PLXND1: variants seen among roughly 807,000 people sequenced by gnomAD.
PLXND1 encodes plexin D1, also known as plexin-D1.
A neutral mutation model predicts 197.7 loss-of-function variants in PLXND1; 54 were observed. The ratio of observed to expected loss-of-function variants is 0.27; its 90% CI spans 0.22 to 0.34. The LOEUF is 0.34. Among genes scored for constraint, PLXND1 ranks in the 10% least tolerant of loss-of-function variants. The probability of loss-of-function intolerance (pLI) is 1.00; values close to 1 mark genes in which losing one functional copy is unlikely to be tolerated. For missense variants in PLXND1, 2,127 were observed against 2,699.2 expected (o/e 0.79, Z 4.70); for synonymous variants, 1,180 against 1,161.2 (o/e 1.02, Z -0.33).
In PLXND1 at chr3:129,583,601, T is replaced by C. The variant is rs201928288; in HGVS notation, c.2207A>G (p.Asn736Ser). 1.8e-5 allele frequency: 29 copies of C among 1,612,346 alleles called. No homozygotes were observed. Among genetic ancestry groups the C allele is most frequent in the South Asian group, 1.1e-5 (1 of 90,940 alleles). The change falls in exon 8 of 36, where the codon AAC becomes AGC. Residue 736 changes from asparagine (N) to serine (S), a missense_variant. Asn to Ser is a conservative substitution (Grantham distance 46). Coordinates refer to ENST00000324093, the MANE Select transcript of PLXND1 (RefSeq NM_015103.3). ...TGGTGAGGCCTCGCACCGAGACTGGTTGGAAACACAGGAGTGCTGCTGGCT... is the reference window on the plus strand; with the variant it reads ...TGGTGAGGCCTCGCACCGAGACTGGCTGGAAACACAGGAGTGCTGCTGGCT... ...WCSQQHSCVS[N>S]QSRCEASPNP...
chr3:129,606,532 C>A lies in PLXND1; in HGVS notation c.108G>T (p.Leu36=). 7.4e-7 allele frequency: 1 copy of A among 1,347,100 alleles called. No individual in the cohort carries two copies. The highest frequency in any genetic ancestry group is 9.5e-7 in the Non-Finnish European group (1 of 1,051,994). 83.4% of individuals were successfully genotyped at this position (1,347,100 alleles called of 1,614,324 possible). A position where few individuals can be genotyped will look rare whatever the true frequency, so the allele number is the denominator to read the frequency against. The part of the protein sequence containing the change: ...PPRCPVPLLL[L]LLLGAARAGA... The stretch of plus-strand genomic sequence containing the variant: ...CGGCCCGCGCCGCCCCCAGGAGCAG[C>A]AGCAACAGCAGCGGCACCGGGCACC... The change falls in exon 1 of 36, where the codon CTG becomes CTT. Residue 36 remains leucine, a synonymous_variant. Coordinates refer to ENST00000324093, the MANE Select transcript of PLXND1 (RefSeq NM_015103.3).
intron 1 of PLXND1, 68 bp downstream of exon 1, chr3:129,605,261 T>TGA: frequency 1.0e-5 from 5 of 493,832 alleles, no homozygotes; most frequent in Non-Finnish European, 1.2e-5. Context: ...CCCGCTCGGT[T>TGA]CCCGCCCGCC....
chr3:129,592,724 T>A (rs73204266), intron 1 of PLXND1, among the ~76,000 whole-genome samples: 33 of 152,330 alleles, frequency 2.2e-4, no homozygotes, highest in Admixed American at 4.6e-4. Context: ...AAATAAAATT[T>A]TAAAAAATTT....
chr3:129,585,929 G>T, intron 5 of PLXND1, 23 bp downstream of exon 5: 1 of 1,613,722 alleles, frequency 6.2e-7, no homozygotes, highest in Middle Eastern at 1.7e-4. Flanking sequence ...CCCGAGCTGG[G>T]TCTTGCCTCC....
intron 2 of PLXND1, among the ~76,000 whole-genome samples, chr3:129,587,471 G>A (rs2085478713): frequency 6.6e-6 from 1 of 152,178 alleles, no homozygotes; most frequent in South Asian, 2.1e-4. Context: ...GACAATACCG[G>A]TCAGAGCCCC....
chr3:129,570,657 C>CT, intron 19 of PLXND1, 129 bp downstream of exon 19: 2 of 893,452 alleles, frequency 2.2e-6, no homozygotes, highest in Non-Finnish European at 3.5e-6. Flanking sequence ...TAAAGCTCTG[C>CT]TTTGCTGGAC....
chr3:129,597,555 A>G (rs893802816), intron 1 of PLXND1, among the ~76,000 whole-genome samples: 3 of 151,868 alleles, frequency 2.0e-5, no homozygotes, highest in Non-Finnish European at 4.4e-5. Flanking sequence ...CCTTGCCGGG[A>G]CTCGTAATGG....
At chr3:129,575,101 AAC>A (rs1477085218) in intron 11 of PLXND1, among the ~76,000 whole-genome samples, 1 of 152,158 alleles carries the variant, frequency 6.6e-6, no homozygotes, top group Non-Finnish European at 1.5e-5. Flanking sequence ...GAGTGGACCC[AAC>A]ACAGACAGTC....
In PLXND1 at chr3:129,562,950, G is replaced by T. The variant is rs760874402; in HGVS notation, c.4669-7C>A. 6.2e-7 allele frequency: 1 copy of T among 1,602,758 alleles called. No homozygotes were observed. The highest frequency in any genetic ancestry group is 8.5e-7 in the Non-Finnish European group (1 of 1,170,450). ...GGAAGGACACGTTCAGGTTCTGCAG[G>T]GGGAGAGTGGGAGAGAAAGGTCAGT... On this transcript the variant is annotated splice_region_variant and splice_polypyrimidine_tract_variant and intron_variant, in intron 26 of 35. Transcript: ENST00000324093.
intron 1 of PLXND1, among the ~76,000 whole-genome samples, chr3:129,601,248 T>A (rs970538605): frequency 6.6e-6 from 1 of 152,116 alleles, no homozygotes; most frequent in Non-Finnish European, 1.5e-5. Flanking sequence ...CAGGGACAAA[T>A]TTGGGGACTT....
intron 19 of PLXND1, 100 bp from the exon 20 acceptor site, chr3:129,570,057 T>C: frequency 1.4e-6 from 1 of 714,402 alleles, no homozygotes; most frequent in Non-Finnish European, 2.6e-6. Context: ...ACCTAACCTC[T>C]CTGAGCCTCA....
chr3:129,562,720 C>A, intron 27 of PLXND1, 67 bp downstream of exon 27: 1 of 1,457,710 alleles, frequency 6.9e-7, no homozygotes, highest in Non-Finnish European at 9.3e-7. Flanking sequence ...GAGTGTTTCC[C>A]GTCAAGGCAG....
intron 25 of PLXND1, among the ~76,000 whole-genome samples, chr3:129,564,078 G>A (rs2085101606): frequency 6.6e-6 from 1 of 152,200 alleles, no homozygotes; most frequent in Non-Finnish European, 1.5e-5. Context: ...GAGGTCCAGG[G>A]TCCACAGTGG....
chr3:129,592,387 T>C (rs2085556856), intron 1 of PLXND1, among the ~76,000 whole-genome samples: 1 of 152,212 alleles, frequency 6.6e-6, no homozygotes, highest in Non-Finnish European at 1.5e-5. Context: ...CATTTAAAAA[T>C]AAGTTGTTTA....
rs1272920707 is a variant in PLXND1, at chr3:129,557,675, T to A, written c.5446-452A>T. ...AAGAAGTGCCAAGAACACTCCCAGTTCTTTGTCAGTCACGGGCACCCTGCC... is the reference window on the plus strand; with the variant it reads ...AAGAAGTGCCAAGAACACTCCCAGTACTTTGTCAGTCACGGGCACCCTGCC... On this transcript the variant is annotated intron_variant, in intron 33 of 35. Coordinates refer to ENST00000324093, the MANE Select transcript of PLXND1 (RefSeq NM_015103.3). The surrounding 1 kb of genome is among the most constrained non-coding windows in gnomAD (Gnocchi z 4.8). Among the ~76,000 whole-genome samples the A allele has an allele frequency of 1.3e-5, 2 of 152,130 alleles. No individual in the cohort carries two copies. Among genetic ancestry groups the A allele is most frequent in the Non-Finnish European group, 2.9e-5 (2 of 68,014 alleles).
At chr3:129,572,583 G>T (rs752266899) in intron 15 of PLXND1, 26 bp downstream of exon 15, 7 of 1,481,072 alleles carry the variant, frequency 4.7e-6, no homozygotes, top group East Asian at 4.8e-5. Flanking sequence ...TGGGCTGGAA[G>T]GGATGGGCCA....
intron 2 of PLXND1, 41 bp downstream of exon 2, chr3:129,589,310 T>TGGCCCCCCCCCCCCC: frequency 1.5e-4 from 75 of 501,222 alleles, no homozygotes; most frequent in East Asian, 4.6e-4. Flanking sequence ...CAGGGGAGCC[T>TGGCCCCCCCCCCCCC]CCCACCCCCA....
intron 8 of PLXND1, among the ~76,000 whole-genome samples, chr3:129,581,865 G>A (rs1327381393): frequency 1.3e-5 from 2 of 152,252 alleles, no homozygotes; most frequent in African/African-American, 2.4e-5. Context: ...CTAGGTTAGC[G>A]CACAAGAAGC....
chr3:129,571,448 T>C (rs1348756700), intron 17 of PLXND1, 61 bp downstream of exon 17: 33 of 1,555,134 alleles, frequency 2.1e-5, no homozygotes, highest in Non-Finnish European at 2.9e-5. Context: ...GCCTGGTCAG[T>C]TAGGGCCCTG....
Sources: allele counts gnomAD v4.1 joint callset (sites outside exome capture counted in the v4.1 genomes callset), GRCh38; gene constraint gnomAD v4.1.1; non-coding constraint Gnocchi (gnomAD v3.1); transcripts MANE v1.5; gene names NCBI Gene and HGNC (gene_info 2026-07-23, HGNC 2026-07-21).